The following IQCH variants were observed in gnomAD, a reference collection of about 807,000 sequenced individuals.
IQCH encodes IQ domain-containing protein H.
A neutral mutation model predicts 117.0 loss-of-function variants in IQCH; 98 were observed. The observed-to-expected ratio is 0.84, with a 90% CI of 0.71 to 0.99. IQCH has a LOEUF of 0.99. Among genes scored for constraint, IQCH ranks in the 50% least tolerant of loss-of-function variants. IQCH has a pLI of 0.00. For synonymous variants in IQCH, 412 were observed against 448.2 expected, an observed-to-expected ratio of 0.92 and a Z score of 1.02; for missense variants, 1,102 against 1,243.8, an observed-to-expected ratio of 0.89 and a Z score of 1.72.
rs2083297032 is a variant in IQCH at position 67,479,777 on chromosome 15, C to T, written c.2799+3959C>T. ...TAATAACACATCATTGTCAGTGCTA[C>T]CAAAAGAAGAATCCTCAAAAGTCCT... On this transcript the variant is annotated intron_variant, in intron 18 of 20. Transcript: ENST00000335894. This position sits in a 1 kb window ranked among gnomAD's most constrained non-coding sequence, Gnocchi z 4.6. Among the ~76,000 whole-genome samples the T allele has an allele frequency of 6.6e-6, 1 of 152,176 alleles. No homozygotes were observed. The highest frequency in any genetic ancestry group is 2.4e-5 in the African/African-American group (1 of 41,432).
At chr15:67,345,724 T>C (rs1229180489) in intron 6 of IQCH, among the ~76,000 whole-genome samples, 3 of 152,122 alleles carry the variant, frequency 2.0e-5, no homozygotes, top group African/African-American at 4.8e-5. Context: ...TAAGGAGACA[T>C]GATGACTAAA....
chr15:67,264,293 T>C (rs1381170729), intron 3 of IQCH, among the ~76,000 whole-genome samples: 3 of 151,404 alleles, frequency 2.0e-5, no homozygotes, highest in Non-Finnish European at 4.4e-5. Context: ...ATCTGTTGTT[T>C]AAGAAATCAC....
chr15:67,376,769 G>T lies in IQCH; in HGVS notation c.1372+3336G>T, dbSNP rs527403329. On this transcript the variant is annotated intron_variant, in intron 10 of 20. Transcript: ENST00000335894. The surrounding 1 kb of genome is among the most constrained non-coding windows in gnomAD (Gnocchi z 5.0). The stretch of plus-strand genomic sequence containing the variant: ...ATATTTATAAAGTATTTTAAAATCT[G>T]TGGCTTGGTAATATGAACAGTAAGA... Among the ~76,000 whole-genome samples the T allele has an allele frequency of 6.6e-6, 1 of 152,292 alleles. No homozygotes were observed. Among genetic ancestry groups the T allele is most frequent in the East Asian group, 1.9e-4 (1 of 5,192 alleles).
At chr15:67,276,010 A>G (rs1966107088) in intron 3 of IQCH, among the ~76,000 whole-genome samples, 1 of 152,250 alleles carries the variant, frequency 6.6e-6, no homozygotes, top group African/African-American at 2.4e-5. Flanking sequence ...ATAACTTTGG[A>G]TATACCTTAA....
rs1298534819 is a variant in IQCH, at chr15:67,472,733, T to G, written c.2677-2963T>G. 2.0e-5 allele frequency among the ~76,000 whole-genome samples: 3 copies of G among 152,146 alleles called. No individual in the cohort carries two copies. The highest frequency in any genetic ancestry group is 2.9e-5 in the Non-Finnish European group (2 of 68,020). The stretch of plus-strand genomic sequence containing the variant: ...CCATATAACCTTTCCACTGCAGAAT[T>G]CTGCTTGTATCCTCACCTCTGACTC... On this transcript the variant is annotated intron_variant, in intron 17 of 20. Transcript: ENST00000335894. The surrounding 1 kb of genome is among the most constrained non-coding windows in gnomAD (Gnocchi z 4.3).
At chr15:67,428,963 G>C (rs115654880) in intron 16 of IQCH, among the ~76,000 whole-genome samples, 3,883 of 152,182 alleles carry the variant, frequency 0.026, 177 homozygotes, top group African/African-American at 0.089. Flanking sequence ...CCAATGGCAT[G>C]AGCCAATGAA....
chr15:67,303,506 AT>A (rs1967153138), intron 4 of IQCH, among the ~76,000 whole-genome samples: 1 of 152,162 alleles, frequency 6.6e-6, no homozygotes, highest in Admixed American at 6.6e-5. Flanking sequence ...GTGCCAAATT[AT>A]TTTTTAGCCT....
intron 6 of IQCH, among the ~76,000 whole-genome samples, chr15:67,353,330 G>A (rs1759262020): frequency 6.7e-6 from 1 of 148,660 alleles, no homozygotes; most frequent in African/African-American, 2.5e-5. Context: ...ATTAAAAATT[G>A]GCTTCTTTAT....
chr15:67,326,247 T>G (rs1477620892), intron 4 of IQCH, among the ~76,000 whole-genome samples: 1 of 152,194 alleles, frequency 6.6e-6, no homozygotes, highest in African/African-American at 2.4e-5. Flanking sequence ...GATAGTTTGC[T>G]CAGAATCATG....
At chr15:67,331,546 G>A (rs1010387734) in intron 4 of IQCH, among the ~76,000 whole-genome samples, 9 of 152,236 alleles carry the variant, frequency 5.9e-5, no homozygotes, top group African/African-American at 2.2e-4. Flanking sequence ...AGAAGAAAAA[G>A]ACAAAGGAGG....
intron 20 of IQCH, among the ~76,000 whole-genome samples, chr15:67,495,804 C>A (rs1433277275): frequency 6.6e-6 from 1 of 152,144 alleles, no homozygotes; most frequent in African/African-American, 2.4e-5. Context: ...GGTTTCTAGC[C>A]TTCTGATATG....
At chr15:67,399,636 G>GA (rs1343535684) in intron 13 of IQCH, among the ~76,000 whole-genome samples, 5 of 152,136 alleles carry the variant, frequency 3.3e-5, no homozygotes, top group Non-Finnish European at 2.9e-5. Context: ...CATTAATGAG[G>GA]AAAAAATTAA....
rs2081441086 is a variant in IQCH, at chr15:67,411,169, C to G, written c.2098-5762C>G. On this transcript the variant is annotated intron_variant, in intron 14 of 20. Transcript: ENST00000335894. The surrounding 1 kb of genome is among the most constrained non-coding windows in gnomAD (Gnocchi z 4.4). ...CTAAATTCACCCTCAAATTTGGAAC[C>G]CCTCCCTTCTCTCAATCTGTACCAC... Among the ~76,000 whole-genome samples the G allele has an allele frequency of 6.6e-6, 1 of 152,186 alleles. No homozygotes were observed. The highest frequency in any genetic ancestry group is 2.1e-4 in the South Asian group (1 of 4,818).
intron 4 of IQCH, among the ~76,000 whole-genome samples, chr15:67,335,433 T>C (rs1968850122): frequency 6.6e-6 from 1 of 152,198 alleles, no homozygotes; most frequent in African/African-American, 2.4e-5. Flanking sequence ...CTTTCTCTCT[T>C]CCTCCGATTT....
At chr15:67,331,445 CATAA>C (rs570344828) in intron 4 of IQCH, among the ~76,000 whole-genome samples, 177 of 152,158 alleles carry the variant, frequency 1.2e-3, no homozygotes, top group Non-Finnish European at 2.2e-3. Flanking sequence ...TTATGGAACT[CATAA>C]ATAAACTATA....
Position 67,384,824 on chromosome 15 carries a change from C to T in IQCH, c.1373-112C>T. 4.3e-6 allele frequency: 3 copies of T among 702,198 alleles called. No individual in the cohort carries two copies. Among genetic ancestry groups the T allele is most frequent in the Non-Finnish European group, 5.2e-6 (2 of 386,374 alleles). 43.5% of individuals were successfully genotyped at this position (702,198 alleles called of 1,614,324 possible). A position where few individuals can be genotyped will look rare whatever the true frequency, so the allele number is the denominator to read the frequency against. On this transcript the variant is annotated intron_variant, in intron 10 of 20. Coordinates refer to ENST00000335894, the MANE Select transcript of IQCH (RefSeq NM_001031715.3). The surrounding 1 kb of genome is among the most constrained non-coding windows in gnomAD (Gnocchi z 4.3). ...ATTGGGTTGTTTCTGTAAGATGCTT[C>T]AGAGAAAATTTTTTCCTGGAAATAT...
At chr15:67,259,281 A>G (rs1213542709) in intron 1 of IQCH, among the ~76,000 whole-genome samples, 1 of 152,248 alleles carries the variant, frequency 6.6e-6, no homozygotes, top group Non-Finnish European at 1.5e-5. Flanking sequence ...AGTTCAGTTT[A>G]GTAAAGAAGG....
At chr15:67,371,448 T>C in intron 8 of IQCH, 2 of 1,509,938 alleles carry the variant, frequency 1.3e-6, no homozygotes, top group Non-Finnish European at 8.8e-7. Flanking sequence ...CTAATCCACC[T>C]GGGACAGCCC....
intron 16 of IQCH, among the ~76,000 whole-genome samples, chr15:67,438,371 G>A (rs572615024): frequency 1.6e-3 from 237 of 152,204 alleles, no homozygotes; most frequent in Non-Finnish European, 2.3e-3. Context: ...CCATTACCAC[G>A]CCACCACTAC....
Sources: gnomAD v4.1 joint callset for allele counts (sites outside exome capture counted in the v4.1 genomes callset) on GRCh38, gnomAD v4.1.1 for gene constraint, Gnocchi (gnomAD v3.1) non-coding constraint, MANE v1.5 for transcripts, NCBI Gene and HGNC (gene_info 2026-07-23, HGNC 2026-07-21) for gene names.